Variants in DLG2 observed in about 807,000 individuals in gnomAD.
DLG2 encodes discs large MAGUK scaffold protein 2.
A neutral mutation model predicts 132.5 loss-of-function variants in DLG2; 45 were observed. That is an observed-to-expected ratio of 0.34 (90% CI 0.27 to 0.44). The LOEUF (loss-of-function observed/expected upper bound fraction) is 0.44, where lower values mean the gene tolerates loss of function less well. Among genes scored for constraint, DLG2 ranks in the 20% least tolerant of loss-of-function variants. The pLI is 1.00. For synonymous variants in DLG2, 424 were observed against 419.6 expected (o/e 1.01, Z -0.13); for missense variants, 1,045 against 1,196.9 (o/e 0.87, Z 1.87).
At chr11:83,857,735 T>C (rs2060772585) in intron 16 of DLG2, among the ~76,000 whole-genome samples, 2 of 152,078 alleles carry the variant, frequency 1.3e-5, no homozygotes, top group Non-Finnish European at 2.9e-5. Context: ...AATGTACTTC[T>C]CTGGTGGAGG....
chr11:83,515,444 A>G (rs2095257660), intron 21 of DLG2, among the ~76,000 whole-genome samples: 1 of 152,012 alleles, frequency 6.6e-6, no homozygotes, highest in East Asian at 1.9e-4. Flanking sequence ...CTAGTGGTCT[A>G]TCGATTTTGT....
intron 7 of DLG2, among the ~76,000 whole-genome samples, chr11:84,354,351 T>A (rs1377736758): frequency 6.6e-6 from 1 of 152,176 alleles, no homozygotes; most frequent in African/African-American, 2.4e-5. Flanking sequence ...GTTTTAGCAA[T>A]AAATTTGCAT....
intron 17 of DLG2, among the ~76,000 whole-genome samples, chr11:83,825,130 T>TAGAC (rs749607243): frequency 7.8e-5 from 7 of 89,186 alleles, no homozygotes; most frequent in African/African-American, 2.8e-4. Context: ...CACATATATA[T>TAGAC]ATACACACAC....
At chr11:83,832,395 G>A (rs560703208) in intron 17 of DLG2, among the ~76,000 whole-genome samples, 16 of 152,160 alleles carry the variant, frequency 1.1e-4, no homozygotes, top group Non-Finnish European at 1.6e-4. Context: ...CTTTTTCTAC[G>A]TCAATCTCAT....
intron 6 of DLG2, among the ~76,000 whole-genome samples, chr11:84,907,190 T>C (rs2091609803): frequency 6.6e-6 from 1 of 152,124 alleles, no homozygotes; most frequent in Non-Finnish European, 1.5e-5. Flanking sequence ...TCCGACTTCA[T>C]TTATTTAGAG....
intron 7 of DLG2, among the ~76,000 whole-genome samples, chr11:84,529,897 A>G (rs75111896): frequency 0.013 from 2,043 of 152,314 alleles, 38 homozygotes; most frequent in African/African-American, 0.045. Context: ...AAACTGTACT[A>G]CAGGGCTATA....
intron 4 of DLG2, among the ~76,000 whole-genome samples, chr11:85,172,259 A>C (rs1227183838): frequency 3.3e-5 from 5 of 152,238 alleles, no homozygotes; most frequent in African/African-American, 1.2e-4. Flanking sequence ...AGGAAGGAGA[A>C]GGCTACCCTC....
chr11:84,338,162 CT>C (rs1477933966), intron 7 of DLG2, among the ~76,000 whole-genome samples: 1 of 152,156 alleles, frequency 6.6e-6, no homozygotes, highest in Non-Finnish European at 1.5e-5. Context: ...GGTATCAAAT[CT>C]GTACAGTTCG....
intron 7 of DLG2, among the ~76,000 whole-genome samples, chr11:84,511,409 A>G (rs1016329225): frequency 6.6e-6 from 1 of 152,172 alleles, no homozygotes; most frequent in Non-Finnish European, 1.5e-5. Flanking sequence ...CCACAAATTG[A>G]ATGAATATCT....
chr11:84,874,950 G>T (rs1338002293), intron 6 of DLG2, among the ~76,000 whole-genome samples: 1 of 150,862 alleles, frequency 6.6e-6, no homozygotes, highest in Non-Finnish European at 1.5e-5. Flanking sequence ...GAACCGGGAG[G>T]TGGACATTAT....
At chr11:85,031,916 T>G in intron 6 of DLG2, among the ~76,000 whole-genome samples, 1 of 144,086 alleles carries the variant, frequency 6.9e-6, no homozygotes, top group Non-Finnish European at 1.5e-5. Context: ...CCTGAGAGGC[T>G]GGGGCTACAA....
chr11:85,430,351 A>AT (rs1428319934), intron 3 of DLG2, among the ~76,000 whole-genome samples: 2 of 151,920 alleles, frequency 1.3e-5, no homozygotes, highest in Non-Finnish European at 2.9e-5. Flanking sequence ...TTAAAGTATA[A>AT]TAAAAAAAAA....
intron 11 of DLG2, among the ~76,000 whole-genome samples, chr11:84,024,703 G>C (rs2154081310): frequency 6.6e-6 from 1 of 152,156 alleles, no homozygotes; most frequent in East Asian, 1.9e-4. Flanking sequence ...GAAAACAACT[G>C]AACTCATCAA....
chr11:83,862,530 T>C (rs2061615330), intron 16 of DLG2, among the ~76,000 whole-genome samples: 2 of 152,230 alleles, frequency 1.3e-5, no homozygotes, highest in Admixed American at 6.6e-5. Context: ...AAATCTAGTA[T>C]TTGATGGCAG....
At chr11:85,328,609 T>C (rs1352474623) in intron 3 of DLG2, among the ~76,000 whole-genome samples, 2 of 114,420 alleles carry the variant, frequency 1.7e-5, no homozygotes, top group South Asian at 3.3e-4. Flanking sequence ...AAATTAGGTA[T>C]TGATGGGACG....
chr11:84,640,485 G>A (rs1415381219), intron 6 of DLG2: 2 of 458,190 alleles, frequency 4.4e-6, no homozygotes, highest in Admixed American at 3.2e-5. Context: ...AGCCACAACA[G>A]TTAAAAACAA....
At chr11:84,010,730 T>C (rs1005325966) in intron 11 of DLG2, among the ~76,000 whole-genome samples, 5 of 152,108 alleles carry the variant, frequency 3.3e-5, no homozygotes, top group African/African-American at 1.2e-4. Flanking sequence ...TTAAATTTGA[T>C]ACCAATAGCA....
At chr11:85,554,822 T>C (rs938268981) in intron 3 of DLG2, among the ~76,000 whole-genome samples, 3 of 151,742 alleles carry the variant, frequency 2.0e-5, no homozygotes, top group Non-Finnish European at 4.4e-5. Flanking sequence ...TTGAGATTTT[T>C]TTTCGGACTT....
At chr11:84,821,911 CA>C (rs1207769734) in intron 6 of DLG2, among the ~76,000 whole-genome samples, 1 of 151,562 alleles carries the variant, frequency 6.6e-6, no homozygotes, top group Non-Finnish European at 1.5e-5. Flanking sequence ...AAGAAACAAG[CA>C]GATGATCAGT....
Sources: gnomAD v4.1 joint callset for allele counts (sites outside exome capture counted in the v4.1 genomes callset) on GRCh38, gnomAD v4.1.1 for gene constraint, MANE v1.5 for transcripts, NCBI Gene and HGNC (gene_info 2026-07-23, HGNC 2026-07-21) for gene names.